ZFYVE28: variants seen among roughly 807,000 people sequenced by gnomAD.
ZFYVE28 encodes the protein lateral signaling target protein 2 homolog.
ZFYVE28 carries 40 observed loss-of-function variants against 82.1 expected under a neutral mutation model. The ratio of observed to expected loss-of-function variants is 0.49; its 90% confidence interval spans 0.38 to 0.63. ZFYVE28 has a LOEUF of 0.63. Among genes scored for constraint, ZFYVE28 ranks in the 30% least tolerant of loss-of-function variants. The probability of loss-of-function intolerance (pLI) is 0.00; values close to 1 mark genes in which losing one functional copy is unlikely to be tolerated. For synonymous variants in ZFYVE28, 612 were observed against 546.1 expected (o/e 1.12, Z -1.68); for missense variants, 1,321 against 1,242.1 (o/e 1.06, Z -0.96).
At chr4:2,402,548 T>C (rs1337182971) in intron 1 of ZFYVE28, among the ~76,000 whole-genome samples, 1 of 152,138 alleles carries the variant, frequency 6.6e-6, no homozygotes. Flanking sequence ...AGCATCACTG[T>C]TTCATAGTCG....
intron 1 of ZFYVE28, among the ~76,000 whole-genome samples, chr4:2,359,737 C>G (rs1007205233): frequency 6.6e-6 from 1 of 152,152 alleles, no homozygotes; most frequent in Non-Finnish European, 1.5e-5. Flanking sequence ...TGTGGAAGGC[C>G]CAGAAGCAGG....
At chr4:2,279,303 A>G (rs1711579253) in intron 8 of ZFYVE28, among the ~76,000 whole-genome samples, 2 of 152,126 alleles carry the variant, frequency 1.3e-5, no homozygotes, top group African/African-American at 2.4e-5. Flanking sequence ...GTGGTGGCGC[A>G]TGCCTGTAAT....
At position 2,297,374 on chromosome 4, in the gene ZFYVE28, C is replaced by T. The variant is rs950872495; in HGVS notation, c.2051+6915G>A. Among the ~76,000 whole-genome samples, 9 of 152,204 alleles carry T rather than the reference C, an allele frequency of 5.9e-5. 1 individual carries two copies. Among genetic ancestry groups the T allele is most frequent in the Admixed American group, 5.2e-4 (8 of 15,284 alleles). On this transcript the variant is annotated intron_variant, in intron 8 of 12. Transcript: ENST00000290974. Reference sequence around the variant, plus strand: ...CTCCGTGACACCTCTGAGCCCTGTCCTCACACTGGCAGAGGGCAGAGGAGC... The same window carrying T: ...CTCCGTGACACCTCTGAGCCCTGTCTTCACACTGGCAGAGGGCAGAGGAGC...
At position 2,335,924 on chromosome 4, in the gene ZFYVE28, G is replaced by T; in HGVS notation, c.612-130C>A. 1.4e-6 allele frequency: 1 copy of T among 703,982 alleles called. No homozygotes were observed. The highest frequency in any genetic ancestry group is 2.5e-6 in the Non-Finnish European group (1 of 400,108). The allele number at this position is 703,982 out of a possible 1,614,324, so 43.6% of individuals were successfully genotyped here. ...ACGCGTGGTGGCCACGTCAAGAGGT[G>T]ACACATGCCACCCCCAGTCCTCATA... On this transcript the variant is annotated intron_variant, in intron 5 of 12. Transcript: ENST00000290974. This position sits in a 1 kb window ranked among gnomAD's most constrained non-coding sequence, Gnocchi z 5.8.
chr4:2,375,530 G>A (rs1185474078), intron 1 of ZFYVE28, among the ~76,000 whole-genome samples: 1 of 152,208 alleles, frequency 6.6e-6, no homozygotes, highest in East Asian at 1.9e-4. Context: ...TGACAAGAAT[G>A]AGCAGCGGCT....
chr4:2,357,175 G>A (rs1199842649), intron 1 of ZFYVE28, among the ~76,000 whole-genome samples: 2 of 152,190 alleles, frequency 1.3e-5, no homozygotes, highest in African/African-American at 2.4e-5. Flanking sequence ...GGGATTACAG[G>A]CGTGAGCCAC....
chr4:2,305,490 G>A lies in ZFYVE28; in HGVS notation c.850C>T (p.Arg284Trp), dbSNP rs559207225. ...LTEEELHTLE[R>W]NLCISQDVEF... ...ACGTCTTGGGAAATGCAGAGGTTCC[G>A]TTCCAGCGTGTGCAGCTCCTCCTCC... The change falls in exon 8 of 13, where the codon CGG becomes TGG. Residue 284 changes from arginine to tryptophan, a missense_variant. Physicochemically the swap from Arg to Trp is moderately radical, Grantham distance 101. Transcript: ENST00000290974. 37 of 1,612,950 alleles carry A rather than the reference G, an allele frequency of 2.3e-5. 1 individual carries two copies. Among genetic ancestry groups the A allele is most frequent in the South Asian group, 9.9e-5 (9 of 91,092 alleles).
Position 2,355,268 on chromosome 4 carries a change from ATAT to A in ZFYVE28, c.40-1198_40-1196del, listed in dbSNP as rs1725134334. Among the ~76,000 whole-genome samples, 6 of 17,112 alleles carry A rather than the reference ATAT, an allele frequency of 3.5e-4. 2 individuals are homozygous for A. The highest frequency in any genetic ancestry group is 1.2e-3 in the African/African-American group (5 of 4,336). The allele number at this position is 17,112 out of a possible 152,430, so 11.2% of individuals were successfully genotyped here. A position where few individuals can be genotyped will look rare whatever the true frequency, so the allele number is the denominator to read the frequency against. On this transcript the variant is annotated intron_variant, in intron 1 of 12. Coordinates refer to ENST00000290974, the MANE Select transcript of ZFYVE28 (RefSeq NM_020972.3). ...TATATATATATATATATATATATAT[ATAT>A]AATGATTCTTCTTTTTTTTTTTTTT...
At chr4:2,317,879 C>T (rs572797754) in intron 7 of ZFYVE28, among the ~76,000 whole-genome samples, 5 of 152,152 alleles carry the variant, frequency 3.3e-5, no homozygotes, top group African/African-American at 9.7e-5. Context: ...GTGATCCATC[C>T]GCCTGGGCCT....
intron 1 of ZFYVE28, among the ~76,000 whole-genome samples, chr4:2,385,611 C>T (rs3135101): frequency 0.62 from 95,048 of 152,100 alleles, 30,565 homozygotes; most frequent in East Asian, 0.73. Flanking sequence ...GAGAGGGCAC[C>T]CACTGCCTGC....
At chr4:2,329,774 T>C (rs12502957) in intron 6 of ZFYVE28, among the ~76,000 whole-genome samples, 2 of 152,226 alleles carry the variant, frequency 1.3e-5, no homozygotes, top group Admixed American at 1.3e-4. Context: ...CATTAGGAGA[T>C]TTTTCTCCAT....
intron 7 of ZFYVE28, among the ~76,000 whole-genome samples, chr4:2,316,690 C>T (rs1357218816): frequency 7.2e-6 from 1 of 139,548 alleles, no homozygotes; most frequent in African/African-American, 2.7e-5. Flanking sequence ...GATATATTTT[C>T]TTGTCTCTCT....
chr4:2,392,769 T>C (rs1729973595), intron 1 of ZFYVE28, among the ~76,000 whole-genome samples: 1 of 151,726 alleles, frequency 6.6e-6, no homozygotes, highest in Admixed American at 6.6e-5. Flanking sequence ...GTTCTCTTCA[T>C]TCTTCTGTCA....
In ZFYVE28 at chr4:2,270,461, G is replaced by A. The variant is rs1735809195; in HGVS notation, c.*264C>T. 3.8e-6 allele frequency: 2 copies of A among 523,038 alleles called. No individual in the cohort carries two copies. Among genetic ancestry groups the A allele is most frequent in the Non-Finnish European group, 6.9e-6 (2 of 289,892 alleles). 32.4% of individuals were successfully genotyped at this position (523,038 alleles called of 1,614,324 possible). On this transcript the variant is annotated 3_prime_UTR_variant, in exon 13 of 13. Transcript: ENST00000290974. ...GGAGGGCCCAGGCCTTCTCCGCCAG[G>A]CACCCTGCCCTGAGGCAGCCACCAG...
At position 2,353,497 on chromosome 4, in the gene ZFYVE28, G is replaced by A. The variant is rs73087175; in HGVS notation, c.180+436C>T. ...CTTGGTGTACTGGGAAGAAAACCTC[G>A]GCCAGGGTATTTTTAGCGGCAGCTT... On this transcript the variant is annotated intron_variant, in intron 2 of 12. Coordinates refer to ENST00000290974, the MANE Select transcript of ZFYVE28 (RefSeq NM_020972.3). Among the ~76,000 whole-genome samples the A allele has an allele frequency of 8.3e-3, 1,257 of 152,258 alleles. 13 individuals carry two copies. The highest frequency in any genetic ancestry group is 0.029 in the African/African-American group (1,187 of 41,538).
chr4:2,290,879 T>C (rs1286765224), intron 8 of ZFYVE28, among the ~76,000 whole-genome samples: 1 of 152,220 alleles, frequency 6.6e-6, no homozygotes, highest in Admixed American at 6.5e-5. Flanking sequence ...GGGGACACAG[T>C]GAAGCCCAGG....
In ZFYVE28 at chr4:2,332,825, C is replaced by T. The variant is rs577574829; in HGVS notation, c.701+2880G>A. Among the ~76,000 whole-genome samples the T allele has an allele frequency of 6.6e-6, 1 of 152,124 alleles. No homozygotes were observed. The highest frequency in any genetic ancestry group is 2.4e-5 in the African/African-American group (1 of 41,408). On this transcript the variant is annotated intron_variant, in intron 6 of 12. Coordinates refer to ENST00000290974, the MANE Select transcript of ZFYVE28 (RefSeq NM_020972.3). This position sits in a 1 kb window ranked among gnomAD's most constrained non-coding sequence, Gnocchi z 4.7. ...CCGCTCAGCACTCACCCGCCCTGCT[C>T]GAGGCTCGCTGCACAGAGGGTTGCA...
chr4:2,289,593 C>T (rs1289249688), intron 8 of ZFYVE28, among the ~76,000 whole-genome samples: 1 of 152,138 alleles, frequency 6.6e-6, no homozygotes, highest in Non-Finnish European at 1.5e-5. Context: ...ACACTGTCAG[C>T]AGCCCCATCG....
intron 1 of ZFYVE28, among the ~76,000 whole-genome samples, chr4:2,373,077 C>G (rs747001840): frequency 2.6e-5 from 4 of 152,228 alleles, no homozygotes; most frequent in Non-Finnish European, 4.4e-5. Flanking sequence ...GGCAGACAGA[C>G]AGCATTCACC....
Sources: allele counts gnomAD v4.1 joint callset (sites outside exome capture counted in the v4.1 genomes callset), GRCh38; gene constraint gnomAD v4.1.1; non-coding constraint Gnocchi (gnomAD v3.1); transcripts MANE v1.5; gene names NCBI Gene and HGNC (gene_info 2026-07-23, HGNC 2026-07-21).